Variants in SLIT3 observed in about 807,000 individuals in gnomAD.
SLIT3 encodes the protein slit homolog 3 protein.
Under a neutral mutation model 184.0 loss-of-function variants are expected in SLIT3, and 68 were observed. The ratio of observed to expected loss-of-function variants is 0.37; its 90% CI spans 0.30 to 0.45. The LOEUF is 0.45. Ranked by LOEUF, SLIT3 falls within the 20% of genes least tolerant of loss-of-function variation. The pLI is 1.00. For missense variants in SLIT3, 1,707 were observed against 2,026.0 expected (o/e 0.84, Z 3.02); for synonymous variants, 831 against 828.6 (o/e 1.00, Z -0.05).
At chr5:169,126,665 GT>G (rs1761091969) in intron 4 of SLIT3, among the ~76,000 whole-genome samples, 1 of 152,216 alleles carries the variant, frequency 6.6e-6, no homozygotes, top group Non-Finnish European at 1.5e-5. Context: ...ACATTAACCA[GT>G]GGAGGCACCA....
intron 4 of SLIT3, among the ~76,000 whole-genome samples, chr5:168,941,241 T>C (rs1044805764): frequency 1.3e-5 from 2 of 152,298 alleles, no homozygotes; most frequent in South Asian, 2.1e-4. Flanking sequence ...TGAATTCTAA[T>C]TGGTCTGTGG....
At chr5:168,949,503 G>A (rs190853204) in intron 4 of SLIT3, among the ~76,000 whole-genome samples, 2 of 152,304 alleles carry the variant, frequency 1.3e-5, no homozygotes, top group East Asian at 3.9e-4. Context: ...TCAAAAGTGT[G>A]TGCTGTGACT....
chr5:169,124,781 T>C (rs1412501351), intron 4 of SLIT3, among the ~76,000 whole-genome samples: 2 of 152,290 alleles, frequency 1.3e-5, no homozygotes, highest in East Asian at 1.9e-4. Flanking sequence ...CTTTTTAAAA[T>C]GAATACATAT....
intron 16 of SLIT3, among the ~76,000 whole-genome samples, chr5:168,759,911 C>A (rs1293945087): frequency 6.6e-6 from 1 of 152,092 alleles, no homozygotes; most frequent in Non-Finnish European, 1.5e-5. Context: ...CCAAAGAGTG[C>A]CCCCCTGGGG....
chr5:169,265,082 G>A (rs1766345648), intron 1 of SLIT3, among the ~76,000 whole-genome samples: 1 of 152,290 alleles, frequency 6.6e-6, no homozygotes, highest in African/African-American at 2.4e-5. Flanking sequence ...ATTGGGCATG[G>A]GGTCTCTTTT....
At chr5:169,059,066 A>T (rs1475315566) in intron 4 of SLIT3, among the ~76,000 whole-genome samples, 3 of 152,168 alleles carry the variant, frequency 2.0e-5, no homozygotes, top group South Asian at 4.1e-4. Context: ...TTCAAGCATG[A>T]GCTCCAAGAA....
At position 169,190,374 on chromosome 5, in the gene SLIT3, C is replaced by T. The variant is rs188129698; in HGVS notation, c.413+3105G>A. Among the ~76,000 whole-genome samples, 5 of 152,290 alleles carry T rather than the reference C, an allele frequency of 3.3e-5. No individual in the cohort carries two copies. In the East Asian group the frequency reaches 7.7e-4, roughly 24 times the overall value. ...GAAGACTTAATGACATCACCAAGCCCCTGGATCCAGCTGTTCCTGAAGCCA... is the reference window on the plus strand; with the variant it reads ...GAAGACTTAATGACATCACCAAGCCTCTGGATCCAGCTGTTCCTGAAGCCA... On this transcript the variant is annotated intron_variant, in intron 4 of 35. Coordinates refer to ENST00000519560, the MANE Select transcript of SLIT3 (RefSeq NM_003062.4).
chr5:169,074,758 C>T (rs770934580), intron 4 of SLIT3, among the ~76,000 whole-genome samples: 18 of 152,154 alleles, frequency 1.2e-4, no homozygotes, highest in Non-Finnish European at 1.8e-4. Flanking sequence ...TTACACTTCC[C>T]AGCAGGACCA....
intron 4 of SLIT3, chr5:168,995,505 T>G (rs1687941527): frequency 6.6e-6 from 1 of 152,160 alleles, no homozygotes; most frequent in Non-Finnish European, 1.5e-5. Context: ...AATGATTAAG[T>G]GATGAAAGAA....
intron 14 of SLIT3, among the ~76,000 whole-genome samples, chr5:168,771,161 A>AG (rs1755538067): frequency 2.0e-5 from 3 of 152,176 alleles, no homozygotes; most frequent in African/African-American, 7.2e-5. Context: ...CTGGCCAGAC[A>AG]GGGGTAGGAA....
intron 4 of SLIT3, among the ~76,000 whole-genome samples, chr5:169,183,926 TA>T (rs553927912): frequency 2.0e-5 from 3 of 152,202 alleles, no homozygotes; most frequent in Non-Finnish European, 2.9e-5. Flanking sequence ...CTTTCCTTCT[TA>T]AAAAAAATTT....
At chr5:169,072,733 T>A (rs1028798373) in intron 4 of SLIT3, among the ~76,000 whole-genome samples, 1 of 152,230 alleles carries the variant, frequency 6.6e-6, no homozygotes, top group Non-Finnish European at 1.5e-5. Context: ...ATACCAGATC[T>A]TCTGCACGGC....
chr5:168,827,335 G>T (rs1317732290), intron 6 of SLIT3, among the ~76,000 whole-genome samples: 2 of 152,202 alleles, frequency 1.3e-5, no homozygotes, highest in Non-Finnish European at 1.5e-5. Context: ...GGGAGAATTT[G>T]CTGCCTTGCC....
chr5:169,092,891 A>G (rs1427176049), intron 4 of SLIT3, among the ~76,000 whole-genome samples: 2 of 152,214 alleles, frequency 1.3e-5, no homozygotes, highest in Non-Finnish European at 2.9e-5. Context: ...TACATCAGCT[A>G]GCGTGGGCAT....
At chr5:169,220,649 TTA>T (rs2113530545) in intron 3 of SLIT3, among the ~76,000 whole-genome samples, 1 of 152,350 alleles carries the variant, frequency 6.6e-6, no homozygotes, top group Admixed American at 6.5e-5. Flanking sequence ...GCAGGAATAT[TTA>T]TCTTTTATAT....
intron 14 of SLIT3, chr5:168,772,566 T>G: frequency 2.7e-5 from 15 of 547,936 alleles, no homozygotes; most frequent in East Asian, 9.8e-5. Context: ...TCCCCATGCT[T>G]TTATTGTGTG....
intron 10 of SLIT3, among the ~76,000 whole-genome samples, chr5:168,793,158 T>C (rs1343886535): frequency 1.3e-5 from 2 of 152,184 alleles, no homozygotes; most frequent in African/African-American, 4.8e-5. Context: ...CTTGGAATGT[T>C]TTTTATACGA....
intron 4 of SLIT3, among the ~76,000 whole-genome samples, chr5:169,054,950 C>G (rs1757943236): frequency 6.6e-6 from 1 of 152,126 alleles, no homozygotes; most frequent in Non-Finnish European, 1.5e-5. Flanking sequence ...ATGGACTTTT[C>G]CAGATCTTGA....
chr5:168,810,085 C>T (rs1757113498), intron 8 of SLIT3, among the ~76,000 whole-genome samples: 1 of 152,210 alleles, frequency 6.6e-6, no homozygotes, highest in Non-Finnish European at 1.5e-5. Flanking sequence ...AAATCCACCC[C>T]TTCCAGCCCT....
Sources: gnomAD v4.1 joint callset for allele counts (sites outside exome capture counted in the v4.1 genomes callset) on GRCh38, gnomAD v4.1.1 for gene constraint, MANE v1.5 for transcripts, NCBI Gene and HGNC (gene_info 2026-07-23, HGNC 2026-07-21) for gene names.